CNIH3: variants seen among roughly 807,000 people sequenced by gnomAD.
CNIH3 encodes protein cornichon homolog 3.
CNIH3 carries 14 observed loss-of-function variants against 24.1 expected under a neutral mutation model. The ratio of observed to expected loss-of-function variants is 0.58; its 90% confidence interval spans 0.38 to 0.91. The LOEUF (loss-of-function observed/expected upper bound fraction) is 0.91, where lower values mean the gene tolerates loss of function less well. Ranked by LOEUF, CNIH3 falls within the 40% of genes least tolerant of loss-of-function variation. CNIH3 has a pLI of 0.00. For synonymous variants in CNIH3, 68 were observed against 73.8 expected, an observed-to-expected ratio of 0.92 and a Z score of 0.40; for missense variants, 178 against 196.8, an observed-to-expected ratio of 0.90 and a Z score of 0.57.
chr1:224,448,157 A>G (rs1332469546), intron 1 of CNIH3, among the ~76,000 whole-genome samples: 3 of 152,170 alleles, frequency 2.0e-5, no homozygotes, highest in African/African-American at 7.2e-5. Flanking sequence ...GGATTGCTTG[A>G]GCCCAGGAGG....
intron 2 of CNIH3, among the ~76,000 whole-genome samples, chr1:224,526,749 G>A (rs751887440): frequency 3.9e-5 from 6 of 152,146 alleles, no homozygotes; most frequent in Non-Finnish European, 5.9e-5. Context: ...TTTATAACAG[G>A]TTTAACTGGC....
At chr1:224,641,637 T>G (rs1294135213) in intron 1 of CNIH3, among the ~76,000 whole-genome samples, 1 of 152,218 alleles carries the variant, frequency 6.6e-6, no homozygotes, top group African/African-American at 2.4e-5. Flanking sequence ...GCTGCAGGTG[T>G]GGCCTCTGCC....
At chr1:224,451,357 CAG>C (rs1324040724) in intron 1 of CNIH3, among the ~76,000 whole-genome samples, 1 of 152,134 alleles carries the variant, frequency 6.6e-6, no homozygotes, top group African/African-American at 2.4e-5. Context: ...GTGCTCCTGC[CAG>C]AGTCATGATG....
chr1:224,566,817 C>T (rs1416381078), intron 4 of CNIH3, among the ~76,000 whole-genome samples: 2 of 152,062 alleles, frequency 1.3e-5, no homozygotes, highest in Admixed American at 1.3e-4. Flanking sequence ...TGAATAGTGG[C>T]ACAACAAACA....
At chr1:224,734,525 C>G in intron 4 of CNIH3, 38 bp from the exon 5 acceptor site, 1 of 1,607,224 alleles carries the variant, frequency 6.2e-7, no homozygotes, top group Non-Finnish European at 8.5e-7. Context: ...CCAGAAGTAC[C>G]AGGACCTCAG....
intron 3 of CNIH3, among the ~76,000 whole-genome samples, chr1:224,696,499 GCA>G (rs1489129050): frequency 7.2e-5 from 11 of 152,200 alleles, no homozygotes; most frequent in Non-Finnish European, 1.0e-4. Flanking sequence ...CCTGTGCAGG[GCA>G]CACAGCCACT....
chr1:224,702,528 G>A, intron 3 of CNIH3, among the ~76,000 whole-genome samples: 1 of 152,254 alleles, frequency 6.6e-6, no homozygotes, highest in East Asian at 1.9e-4. Context: ...AGGCTGGCCT[G>A]TTGCAGAGGC....
At chr1:224,702,178 C>A (rs1376295431) in intron 3 of CNIH3, among the ~76,000 whole-genome samples, 1 of 152,118 alleles carries the variant, frequency 6.6e-6, no homozygotes, top group East Asian at 1.9e-4. Flanking sequence ...ATCACCGATA[C>A]CCTTGTAGGT....
At chr1:224,670,235 G>A (rs1685799205) in intron 1 of CNIH3, among the ~76,000 whole-genome samples, 1 of 152,138 alleles carries the variant, frequency 6.6e-6, no homozygotes, top group Non-Finnish European at 1.5e-5. Context: ...GGTCCATTTT[G>A]TGATGGTGTG....
chr1:224,485,563 G>A (rs1310331660), intron 1 of CNIH3, among the ~76,000 whole-genome samples: 1 of 151,904 alleles, frequency 6.6e-6, no homozygotes, highest in Non-Finnish European at 1.5e-5. Context: ...CGTGATCATT[G>A]TTCACCACAG....
intron 3 of CNIH3, among the ~76,000 whole-genome samples, chr1:224,708,475 A>G (rs566445520): frequency 1.7e-3 from 256 of 152,212 alleles, no homozygotes; most frequent in African/African-American, 5.9e-3. Context: ...ATGTTGCCCA[A>G]TTCTGGAAAG....
chr1:224,538,744 C>T (rs1023187148), downstream of CNIH3, among the ~76,000 whole-genome samples: 3 of 151,350 alleles, frequency 2.0e-5, no homozygotes, highest in Non-Finnish European at 4.4e-5. Flanking sequence ...ACCATAACCT[C>T]TAACTCCTGG....
At chr1:224,692,879 C>A (rs1278959016) in intron 3 of CNIH3, among the ~76,000 whole-genome samples, 1 of 152,192 alleles carries the variant, frequency 6.6e-6, no homozygotes, top group Admixed American at 6.5e-5. Context: ...TAACATGGCT[C>A]AGCTGTTTTA....
In CNIH3 at chr1:224,485,096, T is replaced by C. The variant is rs115199819; in HGVS notation, n.204-30645T>C. 4.5e-3 allele frequency among the ~76,000 whole-genome samples: 692 copies of C among 152,332 alleles called. 4 individuals carry two copies. The highest frequency in any genetic ancestry group is 7.9e-3 in the Non-Finnish European group (534 of 68,022). ...TACATTCCTACTAATATTTTTGAGC[T>C]TTATTTTGGGATGTAGTTGAGTTTA... On this transcript the variant is annotated intron_variant and non_coding_transcript_variant, in intron 1 of 5. Coordinates refer to the CNIH3 transcript ENST00000471578.
intron 3 of CNIH3, among the ~76,000 whole-genome samples, chr1:224,693,554 G>GC: frequency 6.6e-6 from 1 of 151,738 alleles, no homozygotes; most frequent in South Asian, 2.1e-4. Flanking sequence ...ATCTCAGTCA[G>GC]CCTCAGACAC....
intron 2 of CNIH3, 82 bp downstream of exon 2, chr1:224,681,108 G>T: frequency 2.6e-6 from 3 of 1,147,818 alleles, no homozygotes; most frequent in Non-Finnish European, 2.6e-6. Context: ...GAATGTGAAT[G>T]ATTTGAATGC....
intron 3 of CNIH3, among the ~76,000 whole-genome samples, chr1:224,728,250 C>T (rs552674593): frequency 5.9e-5 from 9 of 152,336 alleles, no homozygotes; most frequent in East Asian, 5.8e-4. Context: ...CACTGCCTCC[C>T]GGGGCTGGCG....
At chr1:224,484,171 C>CA (rs35380158) in intron 1 of CNIH3, among the ~76,000 whole-genome samples, 114,240 of 140,456 alleles carry the variant, frequency 0.81, 46,398 homozygotes, top group East Asian at 0.93. Flanking sequence ...AACTCTGTCT[C>CA]AAAAAAAAAA....
chr1:224,434,749 T>G (rs112454893), exon 1 of CNIH3: 45 of 987,006 alleles, frequency 4.6e-5, no homozygotes, highest in South Asian at 2.7e-4. Flanking sequence ...TCGGATCCGC[T>G]CCGCTCTGCT....
Sources: allele counts gnomAD v4.1 joint callset (sites outside exome capture counted in the v4.1 genomes callset), GRCh38; gene constraint gnomAD v4.1.1; transcripts MANE v1.5; gene names NCBI Gene and HGNC (gene_info 2026-07-23, HGNC 2026-07-21).